NF1: variants seen among roughly 807,000 people sequenced by gnomAD.
NF1 encodes neurofibromin.
In NF1, 122 loss-of-function variants were observed where a neutral mutation model predicts 325.7. That is an observed-to-expected ratio of 0.37 (90% CI 0.32 to 0.44). The LOEUF is 0.44. NF1 is among the 20% of genes least tolerant of loss of function. NF1 has a pLI of 1.00. For synonymous variants in NF1, 1,091 were observed against 1,186.0 expected (o/e 0.92, Z 1.65); for missense variants, 2,140 against 3,415.4 (o/e 0.63, Z 9.31).
intron 3 of NF1, among the ~76,000 whole-genome samples, chr17:31,162,035 CA>C (rs781244510): frequency 5.7e-3 from 309 of 54,194 alleles, no homozygotes; most frequent in Admixed American, 0.028. Flanking sequence ...GACTCCATCT[CA>C]AAAAAAAAAA....
intron 1 of NF1, among the ~76,000 whole-genome samples, chr17:31,142,531 A>C (rs1279577237): frequency 6.6e-6 from 1 of 152,136 alleles, no homozygotes; most frequent in African/African-American, 2.4e-5. Flanking sequence ...TATGGTTACA[A>C]ATGTGGTCTA....
chr17:31,215,982 A>G (rs1326834434), intron 13 of NF1, among the ~76,000 whole-genome samples: 1 of 152,200 alleles, frequency 6.6e-6, no homozygotes, highest in African/African-American at 2.4e-5. Flanking sequence ...AGTGACCCCA[A>G]AAGAAGGCCT....
intron 13 of NF1, among the ~76,000 whole-genome samples, chr17:31,217,605 A>G (rs1169240848): frequency 1.3e-5 from 2 of 151,838 alleles, no homozygotes; most frequent in African/African-American, 4.8e-5. Flanking sequence ...ATGCCTGGCC[A>G]AACCATATAT....
chr17:31,203,334 A>G (rs771787939), intron 11 of NF1, among the ~76,000 whole-genome samples: 16 of 152,218 alleles, frequency 1.1e-4, no homozygotes, highest in Non-Finnish European at 1.8e-4. Flanking sequence ...TACATTGAAT[A>G]ATTTTTAAAC....
At chr17:31,313,597 T>C (rs914550431) in intron 36 of NF1, among the ~76,000 whole-genome samples, 19 of 151,774 alleles carry the variant, frequency 1.3e-4, no homozygotes, top group African/African-American at 3.1e-4. Context: ...TCCGAGCTAC[T>C]TGAGAGGCTG....
intron 35 of NF1, among the ~76,000 whole-genome samples, chr17:31,262,971 C>A (rs2067710586): frequency 6.6e-6 from 1 of 151,950 alleles, no homozygotes; most frequent in Non-Finnish European, 1.5e-5. Context: ...TTGCTGGAGG[C>A]CAGGAGTTCA....
intron 8 of NF1, among the ~76,000 whole-genome samples, chr17:31,198,742 G>A (rs1346153139): frequency 6.6e-6 from 1 of 152,060 alleles, no homozygotes; most frequent in Non-Finnish European, 1.5e-5. Context: ...AGCTTCCCTA[G>A]TAGCTGGGAC....
intron 48 of NF1, among the ~76,000 whole-genome samples, chr17:31,346,958 T>C (rs1190762371): frequency 6.6e-6 from 1 of 151,812 alleles, no homozygotes; most frequent in Admixed American, 6.6e-5. Flanking sequence ...ATAACTGAGC[T>C]ATGAAGAGGA....
intron 7 of NF1, among the ~76,000 whole-genome samples, chr17:31,182,185 T>C (rs1436546254): frequency 2.6e-5 from 4 of 152,188 alleles, no homozygotes. Flanking sequence ...ACTTTGGTAA[T>C]TCTTTTTGGG....
intron 4 of NF1, among the ~76,000 whole-genome samples, chr17:31,166,415 G>T (rs932185571): frequency 2.0e-5 from 3 of 152,160 alleles, no homozygotes; most frequent in Non-Finnish European, 4.4e-5. Flanking sequence ...TGATTGCAAA[G>T]TTATCTTTAG....
chr17:31,350,590 A>G (rs1490036807), intron 50 of NF1, among the ~76,000 whole-genome samples: 1 of 152,202 alleles, frequency 6.6e-6, no homozygotes. Context: ...GCTCTTGAAA[A>G]TATTAGGTTG....
Position 31,309,805 on chromosome 17 carries a change from G to T in NF1, c.4836-16015G>T, listed in dbSNP as rs530668546. On this transcript the variant is annotated intron_variant, in intron 36 of 57. Transcript: ENST00000358273. ...ATCCTCTACTGTCAGTAGTAAGCTG[G>T]TGGAACCCTCCATGTATGAGATTTT... Among the ~76,000 whole-genome samples, 6 of 152,252 alleles carry T rather than the reference G, an allele frequency of 3.9e-5. No homozygotes were observed. In the South Asian group the frequency reaches 1.2e-3, roughly 32 times the overall value.
intron 36 of NF1, chr17:31,318,401 G>A: frequency 6.2e-7 from 1 of 1,613,946 alleles, no homozygotes; most frequent in South Asian, 1.1e-5. Flanking sequence ...ACTAGGTTGG[G>A]TCCTGTGAGC....
chr17:31,341,578 G>A (rs2151563318), intron 47 of NF1, among the ~76,000 whole-genome samples: 1 of 120,838 alleles, frequency 8.3e-6, no homozygotes, highest in Admixed American at 9.0e-5. Context: ...TAATGTATGT[G>A]TATATATATA....
At chr17:31,369,239 C>G (rs1309310394) in intron 57 of NF1, among the ~76,000 whole-genome samples, 2 of 152,168 alleles carry the variant, frequency 1.3e-5, no homozygotes, top group Non-Finnish European at 2.9e-5. Flanking sequence ...CTTCAAGGAA[C>G]TCATGTTCTA....
At chr17:31,142,320 T>A (rs1428526501) in intron 1 of NF1, among the ~76,000 whole-genome samples, 1 of 152,216 alleles carries the variant, frequency 6.6e-6, no homozygotes, top group African/African-American at 2.4e-5. Context: ...AAAAAGTGTT[T>A]TTCCTCAATT....
intron 8 of NF1, among the ~76,000 whole-genome samples, chr17:31,199,697 C>T (rs1482343806): frequency 6.6e-6 from 1 of 152,004 alleles, no homozygotes; most frequent in African/African-American, 2.4e-5. Flanking sequence ...AACAGAACAG[C>T]CTTGAATATA....
intron 33 of NF1, 128 bp downstream of exon 33, chr17:31,259,257 A>G: frequency 1.6e-6 from 1 of 616,066 alleles, no homozygotes; most frequent in Admixed American, 2.6e-5. Flanking sequence ...CTAGGTCAAG[A>G]CATAGCTTGT....
chr17:31,250,427 C>G (rs1362582544), intron 30 of NF1: 1 of 212,766 alleles, frequency 4.7e-6, no homozygotes, highest in Admixed American at 5.6e-5. Flanking sequence ...TCTTGGTTGG[C>G]CTAGTAGTAA....
Sources: allele counts gnomAD v4.1 joint callset (sites outside exome capture counted in the v4.1 genomes callset), GRCh38; gene constraint gnomAD v4.1.1; transcripts MANE v1.5; gene names NCBI Gene and HGNC (gene_info 2026-07-23, HGNC 2026-07-21).